Variants in CTNNA2 observed in about 807,000 individuals in gnomAD.
The protein encoded by CTNNA2 is catenin alpha 2.
A neutral mutation model predicts 101.0 loss-of-function variants in CTNNA2; 42 were observed. That is an observed-to-expected ratio of 0.42 (90% CI 0.32 to 0.54). The LOEUF (loss-of-function observed/expected upper bound fraction) is 0.54, where lower values mean the gene tolerates loss of function less well. Among genes scored for constraint, CTNNA2 ranks in the 20% least tolerant of loss-of-function variants. The pLI, the probability that CTNNA2 is intolerant of heterozygous loss-of-function variation, is 0.14. For missense variants in CTNNA2, 871 were observed against 1,223.1 expected (o/e 0.71, Z 4.29); for synonymous variants, 450 against 456.4 (o/e 0.99, Z 0.18).
At chr2:79,659,388 AT>A (rs1434636479) in intron 2 of CTNNA2, among the ~76,000 whole-genome samples, 1 of 152,088 alleles carries the variant, frequency 6.6e-6, no homozygotes, top group Non-Finnish European at 1.5e-5. Context: ...TTCATGGTTT[AT>A]TCATGATATT....
At chr2:79,839,774 A>G (rs1274433595) in intron 3 of CTNNA2, among the ~76,000 whole-genome samples, 3 of 151,968 alleles carry the variant, frequency 2.0e-5, no homozygotes, top group Non-Finnish European at 4.4e-5. Context: ...TCCTTAGTTC[A>G]TATTTTCAAG....
intron 12 of CTNNA2, among the ~76,000 whole-genome samples, chr2:80,566,255 G>GA (rs762162066): frequency 3.3e-5 from 5 of 152,174 alleles, no homozygotes; most frequent in Non-Finnish European, 7.3e-5. Flanking sequence ...TAAGAAAACA[G>GA]AAGCCAGCAT....
chr2:80,110,904 T>G (rs1701174633), intron 7 of CTNNA2, among the ~76,000 whole-genome samples: 1 of 152,198 alleles, frequency 6.6e-6, no homozygotes, highest in Non-Finnish European at 1.5e-5. Context: ...TACCCAAGAC[T>G]AGGTAATTTA....
chr2:80,398,321 T>A (rs1678227440), intron 8 of CTNNA2, among the ~76,000 whole-genome samples: 1 of 152,228 alleles, frequency 6.6e-6, no homozygotes, highest in Non-Finnish European at 1.5e-5. Context: ...TCTGTTTTTC[T>A]TCATAAGGAT....
At chr2:79,477,411 T>A (rs1671061811) in intron 4 of CTNNA2, among the ~76,000 whole-genome samples, 1 of 152,138 alleles carries the variant, frequency 6.6e-6, no homozygotes, top group Admixed American at 6.5e-5. Flanking sequence ...CCTCAGGTAA[T>A]CAACCTGCCT....
At chr2:79,499,331 C>T (rs1057153702) in intron 4 of CTNNA2, 1 of 152,152 alleles carries the variant, frequency 6.6e-6, no homozygotes, top group Non-Finnish European at 1.5e-5. Flanking sequence ...CTAGGGTGGG[C>T]TTCACAAAGC....
At chr2:79,870,821 A>T (rs1391396200) in intron 5 of CTNNA2, among the ~76,000 whole-genome samples, 1 of 152,098 alleles carries the variant, frequency 6.6e-6, no homozygotes, top group Non-Finnish European at 1.5e-5. Flanking sequence ...AACAGCATGG[A>T]GGAACCACCC....
At chr2:79,668,971 C>T (rs1682638320) in intron 2 of CTNNA2, among the ~76,000 whole-genome samples, 1 of 152,190 alleles carries the variant, frequency 6.6e-6, no homozygotes, top group South Asian at 2.1e-4. Flanking sequence ...TTTTGCAAGT[C>T]TCACCTTCAA....
In CTNNA2 at chr2:79,298,475, G is replaced by A. The variant is rs545881959; in HGVS notation, c.-405-14234G>A. ...TATACATCACCGCTACAACATTTGC[G>A]CATCACCCCCCAAAAATCTGGGTTA... On this transcript the variant is annotated intron_variant, in intron 2 of 21. Transcript: ENST00000466387. Among the ~76,000 whole-genome samples, 37 of 152,186 alleles carry A rather than the reference G, an allele frequency of 2.4e-4. 1 individual carries two copies. The South Asian group carries it at 5.4e-3, about 22-fold the overall frequency.
chr2:80,099,098 C>T (rs1439978063), intron 7 of CTNNA2, among the ~76,000 whole-genome samples: 2 of 151,916 alleles, frequency 1.3e-5, no homozygotes, highest in African/African-American at 4.8e-5. Flanking sequence ...CTGCGTGGCT[C>T]ATGCTGGGAG....
intron 4 of CTNNA2, among the ~76,000 whole-genome samples, chr2:79,399,585 G>T (rs763960182): frequency 2.0e-5 from 3 of 152,016 alleles, no homozygotes; most frequent in African/African-American, 7.2e-5. Context: ...GTCCAGATAA[G>T]TCAATAAACG....
intron 2 of CTNNA2, among the ~76,000 whole-genome samples, chr2:79,290,729 A>G (rs1419106367): frequency 6.6e-6 from 1 of 152,084 alleles, no homozygotes; most frequent in Non-Finnish European, 1.5e-5. Flanking sequence ...GGGAGAAACC[A>G]TCTTCCCACT....
At chr2:80,603,988 C>G (rs183252521) in intron 15 of CTNNA2, 86 bp from the exon 16 acceptor site, 5 of 1,145,450 alleles carry the variant, frequency 4.4e-6, no homozygotes, top group Non-Finnish European at 5.1e-6. Context: ...AAATACAACA[C>G]TAGACTCCTG....
chr2:80,156,758 A>G (rs1167587021), intron 7 of CTNNA2, among the ~76,000 whole-genome samples: 1 of 152,226 alleles, frequency 6.6e-6, no homozygotes, highest in East Asian at 1.9e-4. Flanking sequence ...GATGAGGGGC[A>G]CATCTGTGAA....
intron 4 of CTNNA2, among the ~76,000 whole-genome samples, chr2:79,452,043 C>T (rs914054886): frequency 6.6e-6 from 1 of 152,140 alleles, no homozygotes; most frequent in African/African-American, 2.4e-5. Context: ...TCCAAGGAGG[C>T]AGTCTCACAC....
chr2:80,035,381 G>T (rs952512550), intron 7 of CTNNA2, among the ~76,000 whole-genome samples: 4 of 152,260 alleles, frequency 2.6e-5, no homozygotes, highest in Admixed American at 2.6e-4. Flanking sequence ...GATTAAATGA[G>T]AAAAATATTT....
intron 7 of CTNNA2, among the ~76,000 whole-genome samples, chr2:80,069,705 C>CGTGT (rs145680191): frequency 2.6e-4 from 40 of 151,414 alleles, no homozygotes; most frequent in African/African-American, 9.0e-4. Context: ...AATATATGTA[C>CGTGT]GTGTGTGTGT....
At chr2:79,232,119 C>T (rs1376675011) in intron 2 of CTNNA2, among the ~76,000 whole-genome samples, 1 of 152,130 alleles carries the variant, frequency 6.6e-6, no homozygotes. Flanking sequence ...TAAGAGTAGA[C>T]ATCCTTGCCT....
intron 7 of CTNNA2, among the ~76,000 whole-genome samples, chr2:80,086,599 C>G (rs930883533): frequency 6.6e-6 from 1 of 152,072 alleles, no homozygotes; most frequent in South Asian, 2.1e-4. Flanking sequence ...TTATCATTTA[C>G]TCACCTTAGG....
Sources: gnomAD v4.1 joint callset for allele counts (sites outside exome capture counted in the v4.1 genomes callset) on GRCh38, gnomAD v4.1.1 for gene constraint, MANE v1.5 for transcripts, NCBI Gene and HGNC (gene_info 2026-07-23, HGNC 2026-07-21) for gene names.